Variants in MTUS2 observed in about 807,000 individuals in gnomAD.
MTUS2 encodes the protein microtubule associated scaffold protein 2.
A neutral mutation model predicts 114.1 loss-of-function variants in MTUS2; 40 were observed. The ratio of observed to expected loss-of-function variants is 0.35; its 90% CI spans 0.27 to 0.46. The LOEUF is 0.46. Among genes scored for constraint, MTUS2 ranks in the 20% least tolerant of loss-of-function variants. The pLI is 1.00. For missense variants in MTUS2, 1,679 were observed against 1,705.4 expected, an observed-to-expected ratio of 0.98 and a Z score of 0.27; for synonymous variants, 688 against 672.0, an observed-to-expected ratio of 1.02 and a Z score of -0.37.
chr13:29,432,010 A>ATTTT (rs57182093), intron 8 of MTUS2, among the ~76,000 whole-genome samples: 102 of 81,028 alleles, frequency 1.3e-3, no homozygotes, highest in African/African-American at 3.2e-3. Context: ...ACGCTCAGCT[A>ATTTT]TTTTTTTTTT....
intron 2 of MTUS2, among the ~76,000 whole-genome samples, chr13:28,899,968 A>G (rs1593283073): frequency 6.6e-6 from 1 of 151,738 alleles, no homozygotes; most frequent in South Asian, 2.1e-4. Context: ...ACTCACTGCA[A>G]CCTCTGCCTC....
chr13:29,463,018 A>G (rs980252454), intron 9 of MTUS2, among the ~76,000 whole-genome samples: 1 of 152,102 alleles, frequency 6.6e-6, no homozygotes, highest in African/African-American at 2.4e-5. Context: ...CTGGAATCAT[A>G]ATGCTTCTTG....
intron 6 of MTUS2, among the ~76,000 whole-genome samples, chr13:29,318,267 T>C (rs1417969438): frequency 6.6e-6 from 1 of 152,078 alleles, no homozygotes; most frequent in African/African-American, 2.4e-5. Context: ...GTTTTTTTTT[T>C]TTTTGATGTG....
chr13:29,403,541 T>C (rs1013358026), intron 8 of MTUS2, among the ~76,000 whole-genome samples: 3 of 152,208 alleles, frequency 2.0e-5, no homozygotes, highest in African/African-American at 7.2e-5. Context: ...TGAGTAAAGC[T>C]GATTGCCCTC....
At chr13:28,971,543 T>A (rs550438108) in intron 2 of MTUS2, among the ~76,000 whole-genome samples, 1 of 152,224 alleles carries the variant, frequency 6.6e-6, no homozygotes, top group Non-Finnish European at 1.5e-5. Context: ...GTAAGAGCTA[T>A]ATAAAAATGG....
At chr13:28,885,551 C>G (rs1296354302) in intron 2 of MTUS2, among the ~76,000 whole-genome samples, 3 of 152,192 alleles carry the variant, frequency 2.0e-5, no homozygotes, top group African/African-American at 4.8e-5. Flanking sequence ...GGAGAGGCAT[C>G]AAAGTATGGA....
At chr13:29,437,065 G>T (rs1877465712) in intron 8 of MTUS2, among the ~76,000 whole-genome samples, 1 of 152,152 alleles carries the variant, frequency 6.6e-6, no homozygotes, top group Admixed American at 6.5e-5. Flanking sequence ...TCTGTGGCTG[G>T]GAGTGTGGAC....
At chr13:28,861,554 G>C (rs573520425) in intron 2 of MTUS2, among the ~76,000 whole-genome samples, 4 of 151,638 alleles carry the variant, frequency 2.6e-5, no homozygotes, top group African/African-American at 4.9e-5. Context: ...CTGGCATTTA[G>C]CAGTCAGTCA....
At chr13:29,015,096 C>T (rs536427210) in intron 2 of MTUS2, among the ~76,000 whole-genome samples, 1 of 152,278 alleles carries the variant, frequency 6.6e-6, no homozygotes, top group South Asian at 2.1e-4. Context: ...GTTGGAGGAA[C>T]AGAAATCAGA....
intron 5 of MTUS2, among the ~76,000 whole-genome samples, chr13:29,116,876 T>C (rs142837589): frequency 6.6e-4 from 100 of 152,344 alleles, no homozygotes; most frequent in African/African-American, 2.3e-3. Flanking sequence ...TTAAAACTTA[T>C]AAATTGTTTG....
chr13:29,143,119 G>A (rs2139009149), intron 5 of MTUS2, among the ~76,000 whole-genome samples: 1 of 152,278 alleles, frequency 6.6e-6, no homozygotes, highest in African/African-American at 2.4e-5. Context: ...GCAATAAATC[G>A]AGCTTAGCAA....
At chr13:29,494,371 A>G (rs1010576911) in intron 12 of MTUS2, among the ~76,000 whole-genome samples, 3 of 152,238 alleles carry the variant, frequency 2.0e-5, no homozygotes, top group Admixed American at 6.5e-5. Context: ...TTGCAATAGC[A>G]CACTCTGTCC....
intron 8 of MTUS2, among the ~76,000 whole-genome samples, chr13:29,407,942 G>T (rs1434558663): frequency 6.6e-6 from 1 of 152,060 alleles, no homozygotes; most frequent in African/African-American, 2.4e-5. Context: ...TATTATTTAA[G>T]AATTATGTTT....
chr13:28,833,949 A>G (rs1874886482), intron 1 of MTUS2, among the ~76,000 whole-genome samples: 1 of 152,190 alleles, frequency 6.6e-6, no homozygotes, highest in Admixed American at 6.5e-5. Flanking sequence ...TAAGATATTT[A>G]GGAACAAATT....
At chr13:29,020,812 C>A (rs1440385696) in intron 2 of MTUS2, among the ~76,000 whole-genome samples, 2 of 150,388 alleles carry the variant, frequency 1.3e-5, no homozygotes, top group Non-Finnish European at 2.9e-5. Flanking sequence ...GGGAATGTTA[C>A]CTTCTCTGTG....
At chr13:29,207,429 T>C (rs1449730624) in intron 5 of MTUS2, among the ~76,000 whole-genome samples, 1 of 152,200 alleles carries the variant, frequency 6.6e-6, no homozygotes, top group Non-Finnish European at 1.5e-5. Flanking sequence ...TTCTCTTGTC[T>C]GATTACTCTG....
chr13:29,279,691 A>C (rs1411740120), intron 5 of MTUS2, among the ~76,000 whole-genome samples: 1 of 152,218 alleles, frequency 6.6e-6, no homozygotes, highest in African/African-American at 2.4e-5. Context: ...TTGGTAATTC[A>C]AGCCCTCCCT....
At chr13:29,271,107 C>G (rs989047459) in intron 5 of MTUS2, among the ~76,000 whole-genome samples, 1 of 152,142 alleles carries the variant, frequency 6.6e-6, no homozygotes, top group African/African-American at 2.4e-5. Context: ...TAGTCTATGC[C>G]TTTAAAAATA....
intron 5 of MTUS2, among the ~76,000 whole-genome samples, chr13:29,134,171 A>G (rs1052394234): frequency 6.6e-5 from 10 of 152,072 alleles, no homozygotes; most frequent in African/African-American, 2.4e-4. Flanking sequence ...GTGCTGTTTA[A>G]TTTCCACACA....
Sources: allele counts gnomAD v4.1 joint callset (sites outside exome capture counted in the v4.1 genomes callset), GRCh38; gene constraint gnomAD v4.1.1; transcripts MANE v1.5; gene names NCBI Gene and HGNC (gene_info 2026-07-23, HGNC 2026-07-21).